Variants in PTPRT observed in about 807,000 individuals in gnomAD.
PTPRT encodes protein tyrosine phosphatase receptor type T.
PTPRT carries 56 observed loss-of-function variants against 176.8 expected under a neutral mutation model. That is an observed-to-expected ratio of 0.32 (90% CI 0.26 to 0.40). The LOEUF (loss-of-function observed/expected upper bound fraction) is 0.40. PTPRT is among the 10% of genes least tolerant of loss of function. PTPRT has a pLI of 1.00. For synonymous variants in PTPRT, 783 were observed against 739.0 expected, an observed-to-expected ratio of 1.06 and a Z score of -0.96; for missense variants, 1,540 against 1,908.2, an observed-to-expected ratio of 0.81 and a Z score of 3.60.
intron 1 of PTPRT, among the ~76,000 whole-genome samples, chr20:43,036,876 A>AGTTT (rs1163850192): frequency 6.6e-6 from 1 of 152,232 alleles, no homozygotes; most frequent in Non-Finnish European, 1.5e-5. Context: ...TCAACTTATA[A>AGTTT]GTTTAAAAAA....
intron 2 of PTPRT, among the ~76,000 whole-genome samples, chr20:42,875,827 G>A (rs2078920440): frequency 1.3e-5 from 2 of 152,178 alleles, no homozygotes; most frequent in Non-Finnish European, 2.9e-5. Flanking sequence ...ATATGCTAAC[G>A]ATGACCTGGG....
chr20:43,101,790 G>A (rs1027682636), intron 1 of PTPRT, among the ~76,000 whole-genome samples: 1 of 152,186 alleles, frequency 6.6e-6, no homozygotes, highest in African/African-American at 2.4e-5. Flanking sequence ...CACAGTCATG[G>A]GAGTAGGGGC....
intron 1 of PTPRT, among the ~76,000 whole-genome samples, chr20:42,891,586 T>C (rs758501169): frequency 4.6e-5 from 7 of 152,166 alleles, no homozygotes; most frequent in Non-Finnish European, 8.8e-5. Flanking sequence ...ATAAATAAAG[T>C]TTATAGTGTC....
chr20:42,488,810 C>T (rs1355452518), intron 7 of PTPRT, among the ~76,000 whole-genome samples: 2 of 151,848 alleles, frequency 1.3e-5, no homozygotes, highest in African/African-American at 4.8e-5. Context: ...ACTAAAAATA[C>T]AAAATTAGCC....
chr20:42,785,564 T>C (rs1053607246), intron 3 of PTPRT, among the ~76,000 whole-genome samples: 1 of 152,198 alleles, frequency 6.6e-6, no homozygotes, highest in Non-Finnish European at 1.5e-5. Context: ...TGTCCCTATG[T>C]GGGCACTCTG....
chr20:42,194,949 T>A (rs1357174826), intron 16 of PTPRT, among the ~76,000 whole-genome samples: 1 of 151,688 alleles, frequency 6.6e-6, no homozygotes, highest in Non-Finnish European at 1.5e-5. Flanking sequence ...AGGTGGAAAT[T>A]GAATAGTGAG....
chr20:42,362,923 T>C (rs1438636822), intron 9 of PTPRT, among the ~76,000 whole-genome samples: 3 of 151,732 alleles, frequency 2.0e-5, no homozygotes, highest in South Asian at 2.1e-4. Flanking sequence ...CTGGTCAACA[T>C]GGTGAAACCC....
intron 1 of PTPRT, among the ~76,000 whole-genome samples, chr20:42,927,733 A>G (rs1979579510): frequency 6.6e-6 from 1 of 152,102 alleles, no homozygotes; most frequent in African/African-American, 2.4e-5. Flanking sequence ...TCCACGTGGG[A>G]CTTCACCTCC....
intron 23 of PTPRT, among the ~76,000 whole-genome samples, chr20:42,107,827 A>G (rs887896413): frequency 6.6e-6 from 1 of 152,254 alleles, no homozygotes; most frequent in African/African-American, 2.4e-5. Context: ...ACAAAAAAGC[A>G]ATATTGGCTC....
At chr20:42,136,821 G>A (rs367871874) in intron 18 of PTPRT, among the ~76,000 whole-genome samples, 60 of 152,336 alleles carry the variant, frequency 3.9e-4, no homozygotes, top group Non-Finnish European at 6.6e-4. Context: ...AGTGGGAAGT[G>A]AGACAGAGAA....
chr20:42,610,789 G>C (rs1466103654), intron 7 of PTPRT, among the ~76,000 whole-genome samples: 1 of 152,168 alleles, frequency 6.6e-6, no homozygotes, highest in Non-Finnish European at 1.5e-5. Context: ...AGCCATCATT[G>C]TAAGTCAATT....
chr20:42,577,932 T>A (rs2073292962), intron 7 of PTPRT, among the ~76,000 whole-genome samples: 1 of 138,538 alleles, frequency 7.2e-6, no homozygotes, highest in Non-Finnish European at 1.5e-5. Context: ...GCTGTGTGTG[T>A]GTGTGTGTGT....
chr20:42,367,785 G>A (rs1195103793), intron 9 of PTPRT, among the ~76,000 whole-genome samples: 1 of 152,130 alleles, frequency 6.6e-6, no homozygotes, highest in African/African-American at 2.4e-5. Flanking sequence ...TGGGAGATGG[G>A]GTGAAAGGGG....
chr20:42,184,515 C>CCTCCTT (rs1330159888), intron 16 of PTPRT, among the ~76,000 whole-genome samples: 1 of 71,484 alleles, frequency 1.4e-5, no homozygotes, highest in Non-Finnish European at 3.2e-5. Flanking sequence ...TCCTCCTCCT[C>CCTCCTT]CTCCTTCTTC....
chr20:42,269,133 T>C (rs1467004064), intron 13 of PTPRT, among the ~76,000 whole-genome samples: 2 of 152,178 alleles, frequency 1.3e-5, no homozygotes, highest in Non-Finnish European at 2.9e-5. Context: ...CATCCCCCCT[T>C]AGCTTTGTTC....
chr20:42,236,178 C>T (rs2056237965), intron 15 of PTPRT, 51 bp downstream of exon 15: 5 of 1,488,480 alleles, frequency 3.4e-6, no homozygotes, highest in Non-Finnish European at 4.7e-6. Flanking sequence ...ATGCATGCTA[C>T]AGGTTCCCTT....
chr20:42,780,062 C>G (rs1376242646), intron 4 of PTPRT, among the ~76,000 whole-genome samples, 156 bp downstream of exon 4: 1 of 152,094 alleles, frequency 6.6e-6, no homozygotes, highest in African/African-American at 2.4e-5. Context: ...TTATTCAGGA[C>G]TGATTGCATT....
At chr20:43,136,455 A>C (rs2013836994) in intron 1 of PTPRT, among the ~76,000 whole-genome samples, 1 of 152,240 alleles carries the variant, frequency 6.6e-6, no homozygotes, top group Non-Finnish European at 1.5e-5. Flanking sequence ...CCAAGAAAAG[A>C]ACAAATGTTC....
Position 43,090,040 on chromosome 20 carries a change from C to T in PTPRT, c.88+99606G>A, listed in dbSNP as rs573334516. On this transcript the variant is annotated intron_variant, in intron 1 of 30. Coordinates refer to ENST00000373187, the MANE Select transcript of PTPRT (RefSeq NM_007050.6). ...CCCGTGGACAAACAAAACTACTCAG[C>T]AATCTGTGCCACCACCTAGTTCTAC... is the stretch of plus-strand genomic sequence containing the variant. Among the ~76,000 whole-genome samples, 21 of 151,464 alleles carry T rather than the reference C, an allele frequency of 1.4e-4. No homozygotes were observed. The South Asian group carries it at 2.1e-3, about 15-fold the overall frequency.
Sources: gnomAD v4.1 joint callset for allele counts (sites outside exome capture counted in the v4.1 genomes callset) on GRCh38, gnomAD v4.1.1 for gene constraint, MANE v1.5 for transcripts, NCBI Gene and HGNC (gene_info 2026-07-23, HGNC 2026-07-21) for gene names.